The following EIF2AK1 variants were observed in gnomAD, a reference collection of about 807,000 sequenced individuals.
The protein encoded by EIF2AK1 is eukaryotic translation initiation factor 2-alpha kinase 1.
In EIF2AK1, 54 loss-of-function variants were observed where a neutral mutation model predicts 77.9. The observed-to-expected ratio is 0.69, with a 90% CI of 0.56 to 0.87. The LOEUF (loss-of-function observed/expected upper bound fraction) is 0.87. Among genes scored for constraint, EIF2AK1 ranks in the 40% least tolerant of loss-of-function variants. EIF2AK1 has a pLI of 0.00. For missense variants in EIF2AK1, 810 were observed against 768.6 expected, an observed-to-expected ratio of 1.05 and a Z score of -0.64; for synonymous variants, 314 against 290.5, an observed-to-expected ratio of 1.08 and a Z score of -0.82.
intron 11 of EIF2AK1, chr7:6,031,563 C>G: frequency 6.4e-7 from 1 of 1,550,808 alleles, no homozygotes; most frequent in Non-Finnish European, 8.7e-7. Flanking sequence ...CTGCCCAACT[C>G]CGCCAGCAAC....
In EIF2AK1 at chr7:6,032,638, C is replaced by G. The variant is rs571875568; in HGVS notation, c.1333-3606G>C. 6.6e-6 allele frequency among the ~76,000 whole-genome samples: 1 copy of G among 152,278 alleles called. No individual in the cohort carries two copies. Among genetic ancestry groups the G allele is most frequent in the Non-Finnish European group, 1.5e-5 (1 of 68,020 alleles). ...AGTAAATGTGCATTTCTGTGAAACA[C>G]AGATTTTATAGGATGGAATTCACTG... is the stretch of plus-strand genomic sequence containing the variant. On this transcript the variant is annotated intron_variant, in intron 11 of 14. Transcript: ENST00000199389. This position sits in a 1 kb window ranked among gnomAD's most constrained non-coding sequence, Gnocchi z 4.3.
rs751394326 is a variant in EIF2AK1, at chr7:6,044,636, G to A, written c.656C>T (p.Ala219Val). 6.2e-7 allele frequency: 1 copy of A among 1,613,900 alleles called. No individual in the cohort carries two copies. Residue 219 changes from alanine to valine, a missense_variant, in exon 7 of 15, where the codon GCA (alanine) becomes GTA (valine). Transcript: ENST00000199389. ...AACAATATTGGGGTGCTGAAGACCTGCCAGCACCTTCACTTCCCGTAGGAC... is the reference window on the plus strand; with the variant it reads ...AACAATATTGGGGTGCTGAAGACCTACCAGCACCTTCACTTCCCGTAGGAC... ...MKVLREVKVL[A>V]GLQHPNIVGY...
At position 6,049,990 on chromosome 7, in the gene EIF2AK1, G is replaced by C. The variant is rs368824407; in HGVS notation, c.333C>G (p.Asp111Glu). 1 of 1,613,046 alleles carries C rather than the reference G, an allele frequency of 6.2e-7. No homozygotes were observed. The highest frequency in any genetic ancestry group is 8.5e-7 in the Non-Finnish European group (1 of 1,179,508). ...GATGTAGTCTCAATGAGCTAAACTC[G>C]TCACTACAAGTGAAAGAAGACAGCA... ...MGLLSSFTCSDEFSSLRLHHN... is the reference protein window; with the variant it reads ...MGLLSSFTCSEEFSSLRLHHN... The change falls in exon 3 of 15, where the codon GAC becomes GAG. Residue 111 changes from aspartate (D) to glutamate (E), a missense_variant. Transcript: ENST00000199389.
chr7:6,049,022 G>C (rs1298130217), intron 3 of EIF2AK1, among the ~76,000 whole-genome samples, 178 bp from the exon 4 acceptor site: 2 of 152,048 alleles, frequency 1.3e-5, no homozygotes, highest in African/African-American at 4.8e-5. Flanking sequence ...GCTGAGAACA[G>C]ACCAGCAAGC....
chr7:6,035,361 A>G lies in EIF2AK1; in HGVS notation c.1332+2063T>C. The G allele has an allele frequency of 7.9e-7, 1 of 1,266,520 alleles. No homozygotes were observed. The highest frequency in any genetic ancestry group is 1.1e-6 in the Non-Finnish European group (1 of 919,504). The allele number at this position is 1,266,520 out of a possible 1,614,324, so 78.5% of individuals were successfully genotyped here. A position where few individuals can be genotyped will look rare whatever the true frequency, so the allele number is the denominator to read the frequency against. Reference sequence around the variant, plus strand: ...TTGAAGGGTCTTACTTTAAATAAATACTGGCTTCTTAAGCATTAACTGTCC... The same window carrying G: ...TTGAAGGGTCTTACTTTAAATAAATGCTGGCTTCTTAAGCATTAACTGTCC... On this transcript the variant is annotated intron_variant, in intron 11 of 14. Coordinates refer to ENST00000199389, the MANE Select transcript of EIF2AK1 (RefSeq NM_014413.4). The surrounding 1 kb of genome is among the most constrained non-coding windows in gnomAD (Gnocchi z 5.5).
At chr7:6,030,633 G>A (rs542112305) in intron 11 of EIF2AK1, among the ~76,000 whole-genome samples, 1 of 152,204 alleles carries the variant, frequency 6.6e-6, no homozygotes, top group South Asian at 2.1e-4. Flanking sequence ...TGAGTAGCTG[G>A]GACTACAGGC....
chr7:6,046,216 T>C, intron 5 of EIF2AK1, 65 bp from the exon 6 acceptor site: 1 of 925,390 alleles, frequency 1.1e-6, no homozygotes, highest in Non-Finnish European at 1.6e-6. Context: ...AAAGAGGTTC[T>C]TTTAATCTGA....
At chr7:6,026,291 G>T in intron 14 of EIF2AK1, 1 of 386,572 alleles carries the variant, frequency 2.6e-6, no homozygotes, top group Non-Finnish European at 5.3e-6. Flanking sequence ...CATACAGACA[G>T]CCCAGAACAG....
chr7:6,039,538 T>G (rs1384037408), intron 9 of EIF2AK1, among the ~76,000 whole-genome samples: 1 of 150,190 alleles, frequency 6.7e-6, no homozygotes, highest in Non-Finnish European at 1.5e-5. Flanking sequence ...GGAGAATCGC[T>G]TGAACCTGGG....
intron 2 of EIF2AK1, among the ~76,000 whole-genome samples, chr7:6,052,610 A>AC (rs1788638247): frequency 7.1e-6 from 1 of 141,124 alleles, no homozygotes; most frequent in Non-Finnish European, 1.6e-5. Flanking sequence ...AAAAAAAAGA[A>AC]CCTCAGAATC....
intron 2 of EIF2AK1, among the ~76,000 whole-genome samples, chr7:6,052,075 G>C (rs867499681): frequency 6.6e-6 from 1 of 151,186 alleles, no homozygotes; most frequent in African/African-American, 2.4e-5. Context: ...GGGAGGCTGA[G>C]GCAAGAGAAT....
Position 6,035,599 on chromosome 7 carries a change from C to G in EIF2AK1, c.1332+1825G>C. ...CTCCGCATCTTGTGTGCGCACGGAG[C>G]TCAAGTGAACACTCAAGGGGAAATC... On this transcript the variant is annotated intron_variant, in intron 11 of 14. Transcript: ENST00000199389. This position sits in a 1 kb window ranked among gnomAD's most constrained non-coding sequence, Gnocchi z 5.5. 6.4e-7 allele frequency: 1 copy of G among 1,551,038 alleles called. No homozygotes were observed. Among genetic ancestry groups the G allele is most frequent in the Non-Finnish European group, 8.7e-7 (1 of 1,147,092 alleles).
chr7:6,050,415 G>A (rs1252978097), intron 2 of EIF2AK1, among the ~76,000 whole-genome samples: 2 of 151,840 alleles, frequency 1.3e-5, no homozygotes, highest in Non-Finnish European at 2.9e-5. Flanking sequence ...GGCTGGTCTC[G>A]AACTCCTGGC....
intron 7 of EIF2AK1, among the ~76,000 whole-genome samples, chr7:6,044,034 G>C (rs959396896): frequency 1.3e-5 from 2 of 151,772 alleles, no homozygotes; most frequent in African/African-American, 4.8e-5. Context: ...AGGAGGCAGA[G>C]GTTGCAGTGA....
intron 11 of EIF2AK1, among the ~76,000 whole-genome samples, 176 bp downstream of exon 11, chr7:6,037,248 C>A (rs1047466339): frequency 7.9e-5 from 12 of 151,474 alleles, no homozygotes; most frequent in African/African-American, 2.7e-4. Context: ...AAAAAAAATT[C>A]GACCTAATGT....
Position 6,052,873 on chromosome 7 carries a change from G to A in EIF2AK1, c.277+1673C>T, listed in dbSNP as rs541118139. On this transcript the variant is annotated intron_variant, in intron 2 of 14. Coordinates refer to ENST00000199389, the MANE Select transcript of EIF2AK1 (RefSeq NM_014413.4). ...AGCTACTCGGGAGGGTGAGGCAGGA[G>A]AATCACTTGAACCCGGGGGGCGGAG... Among the ~76,000 whole-genome samples the A allele has an allele frequency of 4.4e-4, 67 of 152,142 alleles. 2 individuals are homozygous for A. In the South Asian group the frequency reaches 0.012, roughly 28 times the overall value.
chr7:6,051,273 C>CTTTTTT (rs34563208), intron 2 of EIF2AK1, among the ~76,000 whole-genome samples: 1 of 137,480 alleles, frequency 7.3e-6, no homozygotes, highest in Non-Finnish European at 1.6e-5. Context: ...TTTTTTCTTT[C>CTTTTTT]TTTTTTTTTT....
chr7:6,048,686 C>T, intron 4 of EIF2AK1, 121 bp downstream of exon 4: 1 of 823,074 alleles, frequency 1.2e-6, no homozygotes, highest in East Asian at 3.0e-5. Context: ...TTGCTGAGAA[C>T]AAAGTTTTTA....
At position 6,036,279 on chromosome 7, in the gene EIF2AK1, A is replaced by G. The variant is rs1788090532; in HGVS notation, c.1332+1145T>C. On this transcript the variant is annotated intron_variant, in intron 11 of 14. Coordinates refer to ENST00000199389, the MANE Select transcript of EIF2AK1 (RefSeq NM_014413.4). The surrounding 1 kb of genome is among the most constrained non-coding windows in gnomAD (Gnocchi z 4.6). ...CCTACAGGGTATCTGCAAAAGAAAC[A>G]TCAGGAATATTTATGGTGAGAAATA... The G allele has an allele frequency of 6.5e-7, 1 of 1,549,742 alleles. No individual in the cohort carries two copies. Among genetic ancestry groups the G allele is most frequent in the Non-Finnish European group, 8.7e-7 (1 of 1,146,816 alleles).
Sources: allele counts gnomAD v4.1 joint callset (sites outside exome capture counted in the v4.1 genomes callset), GRCh38; gene constraint gnomAD v4.1.1; non-coding constraint Gnocchi (gnomAD v3.1); transcripts MANE v1.5; gene names NCBI Gene and HGNC (gene_info 2026-07-23, HGNC 2026-07-21).